Variants in RAB37 observed in about 807,000 individuals in gnomAD.
RAB37 encodes the protein RAB37, member RAS oncogene family, also known as ras-related protein Rab-37.
In RAB37, 29 loss-of-function variants were observed where a neutral mutation model predicts 33.1. The ratio of observed to expected loss-of-function variants is 0.88; its 90% CI spans 0.65 to 1.20. The LOEUF is 1.20. Among genes scored for constraint, RAB37 ranks in the 50% most tolerant of loss-of-function variants. The pLI is 0.00. For missense variants in RAB37, 299 were observed against 301.1 expected (o/e 0.99, Z 0.05); for synonymous variants, 128 against 119.5 (o/e 1.07, Z -0.47).
intron 1 of RAB37, among the ~76,000 whole-genome samples, chr17:74,674,371 A>G: frequency 6.6e-6 from 1 of 151,046 alleles, no homozygotes; most frequent in African/African-American, 2.4e-5. Flanking sequence ...ATGAGCCACC[A>G]TGCCCAGCGT....
chr17:74,703,049 G>T, intron 1 of RAB37: 2 of 1,613,842 alleles, frequency 1.2e-6, no homozygotes, highest in Non-Finnish European at 8.5e-7. Context: ...TGTCCAAGTG[G>T]TGGCCGGTCA....
chr17:74,726,108 G>A (rs1042451350), intron 1 of RAB37, among the ~76,000 whole-genome samples: 6 of 151,864 alleles, frequency 4.0e-5, no homozygotes, highest in East Asian at 3.9e-4. Context: ...GGTGGCGGGC[G>A]CCTGTAGTCC....
At chr17:74,698,653 G>A in intron 1 of RAB37, 2 of 1,442,674 alleles carry the variant, frequency 1.4e-6, no homozygotes, top group Non-Finnish European at 1.8e-6. Flanking sequence ...TTTACAATGA[G>A]TACACATAGA....
chr17:74,715,681 G>A (rs919190421), intron 1 of RAB37, among the ~76,000 whole-genome samples: 3 of 152,156 alleles, frequency 2.0e-5, no homozygotes, highest in African/African-American at 4.8e-5. Flanking sequence ...CCCTCTGATC[G>A]TGGCCTCTCC....
chr17:74,735,462 GGAGGCAGAGGCTGCAAT>G (rs2034461720), upstream of RAB37, among the ~76,000 whole-genome samples: 1 of 152,172 alleles, frequency 6.6e-6, no homozygotes, highest in Non-Finnish European at 1.5e-5. Context: ...CTTGAACCTG[GGAGGCAGAGGCTGCAAT>G]GCGCCAAGAT....
At chr17:74,715,887 G>A (rs533978394) in intron 1 of RAB37, among the ~76,000 whole-genome samples, 27 of 152,178 alleles carry the variant, frequency 1.8e-4, no homozygotes, top group Admixed American at 2.0e-4. Flanking sequence ...AAAATTAGCC[G>A]GGCATGGTGG....
chr17:74,686,226 G>C (rs1201051793), intron 1 of RAB37, among the ~76,000 whole-genome samples: 3 of 152,022 alleles, frequency 2.0e-5, no homozygotes, highest in East Asian at 3.8e-4. Flanking sequence ...CAGGTAGCTG[G>C]GGTTACAGGC....
At chr17:74,675,229 G>A (rs1326314271) in intron 1 of RAB37, among the ~76,000 whole-genome samples, 1 of 152,118 alleles carries the variant, frequency 6.6e-6, no homozygotes, top group African/African-American at 2.4e-5. Flanking sequence ...GAGGTCAGGA[G>A]ATCGAGACCA....
chr17:74,671,509 A>C lies in RAB37; in HGVS notation c.-78A>C. 7.2e-7 allele frequency: 1 copy of C among 1,393,860 alleles called. No individual in the cohort carries two copies. Among genetic ancestry groups the C allele is most frequent in the South Asian group, 1.2e-5 (1 of 86,054 alleles). The allele number at this position is 1,393,860 out of a possible 1,614,324, so 86.3% of individuals were successfully genotyped here. A position where few individuals can be genotyped will look rare whatever the true frequency, so the allele number is the denominator to read the frequency against. On this transcript the variant is annotated 5_prime_UTR_variant, in exon 1 of 8. Transcript: ENST00000340415. This position sits in a 1 kb window ranked among gnomAD's most constrained non-coding sequence, Gnocchi z 5.0. Reference sequence around the variant, plus strand: ...GCTCAGACCCAAGCCTGCCGCACCCAGCGGAGCTCGAACCGAGCTCCTGGA... The same window carrying C: ...GCTCAGACCCAAGCCTGCCGCACCCCGCGGAGCTCGAACCGAGCTCCTGGA...
rs2143445495 is a variant in RAB37, at chr17:74,671,959, C to A, written c.72+301C>A. 6.6e-6 allele frequency among the ~76,000 whole-genome samples: 1 copy of A among 152,280 alleles called. No individual in the cohort carries two copies. Among genetic ancestry groups the A allele is most frequent in the East Asian group, 1.9e-4 (1 of 5,170 alleles). Reference sequence around the variant, plus strand: ...ATTTATGCCCCTGGGTGACCCCTGGCACCTTGCTCTCCTAACCCTTGTAGG... The same window carrying A: ...ATTTATGCCCCTGGGTGACCCCTGGAACCTTGCTCTCCTAACCCTTGTAGG... On this transcript the variant is annotated intron_variant, in intron 1 of 7. Coordinates refer to the RAB37 transcript ENST00000340415. This position sits in a 1 kb window ranked among gnomAD's most constrained non-coding sequence, Gnocchi z 5.0.
In RAB37 at chr17:74,745,201, C is replaced by G. The variant is rs2144094107; in HGVS notation, c.567-105C>G. On this transcript the variant is annotated intron_variant, in intron 8 of 8. Coordinates refer to ENST00000392613, the MANE Select transcript of RAB37 (RefSeq NM_001006638.3). This position sits in a 1 kb window ranked among gnomAD's most constrained non-coding sequence, Gnocchi z 4.5. ...ACACCTGCATTCTGCAGGCTGAGGTCCATTTGCTCTGGGAGCACTGGGCCA... is the reference window on the plus strand; with the variant it reads ...ACACCTGCATTCTGCAGGCTGAGGTGCATTTGCTCTGGGAGCACTGGGCCA... The G allele has an allele frequency of 6.5e-7, 1 of 1,535,418 alleles. No homozygotes were observed. The highest frequency in any genetic ancestry group is 1.7e-5 in the Admixed American group (1 of 59,436).
chr17:74,700,599 G>A (rs187094165), intron 1 of RAB37, among the ~76,000 whole-genome samples: 23 of 152,114 alleles, frequency 1.5e-4, no homozygotes, highest in Admixed American at 1.3e-3. Context: ...AATAACAGCC[G>A]GGTGTGGTGG....
At position 74,745,320 on chromosome 17, in the gene RAB37, G is replaced by A. The variant is rs150021744; in HGVS notation, c.581G>A (p.Arg194Gln). Residue 194 changes from arginine (R) to glutamine (Q), a missense_variant, in exon 9 of 9, where the codon CGG (arginine) becomes CAG (glutamine). Transcript: ENST00000392613. This position sits in a 1 kb window ranked among gnomAD's most constrained non-coding sequence, Gnocchi z 4.5. ...FLAIAKELKY[R>Q]AGHQADEPSF... ...TCTTCTTCAAGGGAACTGAAATACCGGGCCGGGCATCAGGCGGATGAGCCC... is the reference window on the plus strand; with the variant it reads ...TCTTCTTCAAGGGAACTGAAATACCAGGCCGGGCATCAGGCGGATGAGCCC... 539 of 1,612,920 alleles carry A rather than the reference G, an allele frequency of 3.3e-4. No homozygotes were observed. The African/African-American group carries it at 6.1e-3, about 18-fold the overall frequency.
At chr17:74,725,445 A>G (rs961233472) in intron 1 of RAB37, among the ~76,000 whole-genome samples, 1 of 152,116 alleles carries the variant, frequency 6.6e-6, no homozygotes, top group Admixed American at 6.5e-5. Context: ...GTCAGTCTAC[A>G]GGAGGAATAG....
chr17:74,710,500 A>T (rs990667206), intron 1 of RAB37, among the ~76,000 whole-genome samples: 1 of 152,226 alleles, frequency 6.6e-6, no homozygotes, highest in African/African-American at 2.4e-5. Context: ...CATTTACATT[A>T]GCAATAAAAG....
intron 1 of RAB37, among the ~76,000 whole-genome samples, chr17:74,713,546 TG>T (rs2034097927): frequency 6.6e-6 from 1 of 151,870 alleles, no homozygotes; most frequent in Non-Finnish European, 1.5e-5. Flanking sequence ...GTGGGTTGGC[TG>T]GGGGCAGGGG....
chr17:74,695,811 G>A, intron 1 of RAB37: 1 of 1,614,152 alleles, frequency 6.2e-7, no homozygotes, highest in Admixed American at 1.7e-5. Context: ...CCGGCCAGCT[G>A]CAGGGTCAGG....
chr17:74,741,999 G>C (rs2034630491), intron 2 of RAB37, among the ~76,000 whole-genome samples: 2 of 152,200 alleles, frequency 1.3e-5, no homozygotes, highest in African/African-American at 4.8e-5. Flanking sequence ...TCCCTGGAGA[G>C]AGCCAGGATG....
In RAB37 at chr17:74,740,860, C is replaced by A; in HGVS notation, c.186C>A (p.Thr62=). 1 of 1,613,202 alleles carries A rather than the reference C, an allele frequency of 6.2e-7. No homozygotes were observed. The change falls in exon 2 of 9, where the codon ACC becomes ACA. Residue 62 remains threonine, a synonymous_variant. Transcript: ENST00000392613. ...GAFLSGTFIA[T]VGIDFRNKVV... is the part of the protein sequence containing the mutation. ...TCCTGTCCGGAACCTTCATAGCCAC[C>A]GTCGGCATAGACTTCAGGGTGAGGT...
Sources: allele counts gnomAD v4.1 joint callset (sites outside exome capture counted in the v4.1 genomes callset), GRCh38; gene constraint gnomAD v4.1.1; non-coding constraint Gnocchi (gnomAD v3.1); transcripts MANE v1.5; gene names NCBI Gene and HGNC (gene_info 2026-07-23, HGNC 2026-07-21).